Variants in AMHR2 observed in about 807,000 individuals in gnomAD.
AMHR2 encodes the protein anti-Mullerian hormone receptor type 2.
In AMHR2, 36 loss-of-function variants were observed where a neutral mutation model predicts 61.4. The ratio of observed to expected loss-of-function variants is 0.59; its 90% CI spans 0.45 to 0.77. The LOEUF (loss-of-function observed/expected upper bound fraction) is 0.77. Ranked by LOEUF, AMHR2 falls within the 30% of genes least tolerant of loss-of-function variation. The probability of loss-of-function intolerance (pLI) is 0.00; values close to 1 mark genes in which losing one functional copy is unlikely to be tolerated. For missense variants in AMHR2, 638 were observed against 714.6 expected (o/e 0.89, Z 1.22); for synonymous variants, 258 against 279.4 (o/e 0.92, Z 0.76).
Position 53,431,542 on chromosome 12 carries a change from G to A in AMHR2, c.*69G>A. 1 of 1,589,736 alleles carries A rather than the reference G, an allele frequency of 6.3e-7. No individual in the cohort carries two copies. ...TGGCGATTGTATAGCTGTCTTGTCT[G>A]CCTCATCACTGCATTTCCCACCTGC... is the stretch of plus-strand genomic sequence containing the variant. On this transcript the variant is annotated 3_prime_UTR_variant, in exon 11 of 11. Coordinates refer to ENST00000257863, the MANE Select transcript of AMHR2 (RefSeq NM_020547.3).
chr12:53,430,001 C>T, intron 9 of AMHR2, 23 bp downstream of exon 9: 1 of 1,614,160 alleles, frequency 6.2e-7, no homozygotes, highest in Non-Finnish European at 8.5e-7. Context: ...GGTACAGTCC[C>T]CTCTCCTGGG....
intron 7 of AMHR2, 93 bp downstream of exon 7, chr12:53,429,103 G>A (rs1430143170): frequency 4.8e-6 from 6 of 1,242,132 alleles, no homozygotes; most frequent in Non-Finnish European, 6.8e-6. Context: ...GTCAAAAGAG[G>A]GAGGAAGAGC....
chr12:53,425,369 CCT>C, intron 4 of AMHR2, 84 bp from the exon 5 acceptor site: 2 of 1,604,146 alleles, frequency 1.2e-6, no homozygotes, highest in African/African-American at 1.3e-5. Flanking sequence ...ACTCCCATGA[CCT>C]CTCACAAAGC....
intron 9 of AMHR2, 34 bp from the exon 10 acceptor site, chr12:53,430,112 C>A: frequency 1.2e-6 from 2 of 1,614,160 alleles, no homozygotes; most frequent in South Asian, 2.2e-5. Context: ...ACCCCTAGGA[C>A]TAACTGATAC....
At chr12:53,430,542 T>A in intron 10 of AMHR2, 1 of 571,776 alleles carries the variant, frequency 1.7e-6, no homozygotes, top group Non-Finnish European at 3.1e-6. Flanking sequence ...CTGTCTCTCC[T>A]CTCTGCCATC....
rs1939862310 is a variant in AMHR2 at position 53,428,973 on chromosome 12, G to C, written c.930G>C (p.Gln310His). ...TGCGGATGGCACTGTCCCTGGCCCA[G>C]GGCCTGGCATTTCTCCATGAGGAGC... ...SSLRMALSLA[Q>H]GLAFLHEERW... is the part of the protein sequence containing the mutation. Residue 310 changes from glutamine to histidine, a missense_variant, in exon 7 of 11, where the codon CAG (glutamine) becomes CAC (histidine). By Grantham distance (24) the Gln-to-His change is conservative. Transcript: ENST00000257863. 1 of 1,551,516 alleles carries C rather than the reference G, an allele frequency of 6.4e-7. No homozygotes were observed. Among genetic ancestry groups the C allele is most frequent in the Non-Finnish European group, 8.7e-7 (1 of 1,147,036 alleles).
intron 10 of AMHR2, 78 bp downstream of exon 10, chr12:53,430,360 G>T: frequency 6.2e-7 from 1 of 1,607,602 alleles, no homozygotes; most frequent in African/African-American, 1.3e-5. Flanking sequence ...CTCTGCCAGA[G>T]TGTCTGTCTA....
rs574868905 is a variant in AMHR2, at chr12:53,424,408, A to C, written c.170A>C (p.Tyr57Ser). ...TELPRAIRCL[Y>S]SRCCFGIWNL... Reference sequence around the variant, plus strand: ...CTCCCCAGAGCTATCCGCTGCCTCTACAGCCGCTGCTGCTTTGGGATCTGG... The same window carrying C: ...CTCCCCAGAGCTATCCGCTGCCTCTCCAGCCGCTGCTGCTTTGGGATCTGG... The change falls in exon 2 of 11, where the codon TAC becomes TCC. Residue 57 changes from tyrosine (Y) to serine (S), a missense_variant. Coordinates refer to ENST00000257863, the MANE Select transcript of AMHR2 (RefSeq NM_020547.3). 15 of 1,613,564 alleles carry C rather than the reference A, an allele frequency of 9.3e-6. No individual in the cohort carries two copies. Among genetic ancestry groups the C allele is most frequent in the African/African-American group, 1.3e-5 (1 of 74,908 alleles).
At chr12:53,424,075 T>C in intron 1 of AMHR2, 92 bp downstream of exon 1, 3 of 1,498,478 alleles carry the variant, frequency 2.0e-6, no homozygotes, top group Non-Finnish European at 2.8e-6. Context: ...GGAAGAGTGG[T>C]GAGTGGGCTG....
rs1318085676 is a variant in AMHR2 at position 53,431,420 on chromosome 12, C to G, written c.1669C>G (p.Gln557Glu). 2.5e-6 allele frequency: 4 copies of G among 1,614,138 alleles called. No homozygotes were observed. The South Asian group carries it at 4.4e-5, about 18-fold the overall frequency. Residue 557 changes from glutamine to glutamate, a missense_variant, in exon 11 of 11, where the codon CAA becomes GAA. Coordinates refer to ENST00000257863, the MANE Select transcript of AMHR2 (RefSeq NM_020547.3). ...GAGTGCCTGCCACTTCAGCGTTCAG[C>G]AAGGCCCTTGTTCCAGGAATCCTCA... ...QRSACHFSVQ[Q>E]GPCSRNPQPA...
rs770825160 is a variant in AMHR2, at chr12:53,429,834, G to A, written c.1144G>A (p.Gly382Ser). The change falls in exon 9 of 11, where the codon GGC becomes AGC. Residue 382 changes from glycine to serine, a missense_variant. By Grantham distance (56) the Gly-to-Ser change is moderately conservative (BLOSUM62 0). Coordinates refer to ENST00000257863, the MANE Select transcript of AMHR2 (RefSeq NM_020547.3). ...PQGPAAIMEA[G>S]TQRYMAPELL... Reference sequence around the variant, plus strand: ...CCCTTCGTGCCTTGCTCTCCAGGCTGGCACCCAGAGGTACATGGCACCAGA... The same window carrying A: ...CCCTTCGTGCCTTGCTCTCCAGGCTAGCACCCAGAGGTACATGGCACCAGA... The A allele has an allele frequency of 6.2e-7, 1 of 1,614,044 alleles. No homozygotes were observed. The highest frequency in any genetic ancestry group is 1.3e-5 in the African/African-American group (1 of 74,906).
chr12:53,427,654 C>T (rs991282838), intron 6 of AMHR2, among the ~76,000 whole-genome samples: 7 of 152,142 alleles, frequency 4.6e-5, no homozygotes, highest in African/African-American at 9.7e-5. Flanking sequence ...CTGCCTGCCT[C>T]GGCCTCCCAA....
intron 2 of AMHR2, 46 bp downstream of exon 2, chr12:53,424,516 G>A: frequency 1.9e-6 from 3 of 1,597,804 alleles, no homozygotes; most frequent in Non-Finnish European, 2.6e-6. Context: ...GTGGGAGACA[G>A]ACACATCCTG....
intron 6 of AMHR2, 78 bp downstream of exon 6, chr12:53,425,997 C>A: frequency 1.4e-6 from 2 of 1,381,640 alleles, no homozygotes; most frequent in Admixed American, 3.6e-5. Context: ...GGCAGCTGGG[C>A]CCTGTTGATT....
chr12:53,424,942 C>T (rs772119327), intron 3 of AMHR2, 42 bp downstream of exon 3: 6 of 1,592,884 alleles, frequency 3.8e-6, no homozygotes, highest in African/African-American at 1.3e-5. Flanking sequence ...GGGCTGGGGC[C>T]CAGGTTAGGA....
Position 53,425,236 on chromosome 12 carries a change from A to T in AMHR2, c.496A>T (p.Ile166Phe), listed in dbSNP as rs1434411217. The change falls in exon 4 of 11, where the codon ATC (isoleucine) becomes TTC (phenylalanine). Residue 166 changes from isoleucine (I) to phenylalanine (F), a missense_variant. Physicochemically the swap from Ile to Phe is conservative, Grantham distance 21 (BLOSUM62 0). Coordinates refer to ENST00000257863, the MANE Select transcript of AMHR2 (RefSeq NM_020547.3). ...LLLLLLLGSIILALLQRKNYR... is the reference protein window; with the variant it reads ...LLLLLLLGSIFLALLQRKNYR... ...CCTCCTGCTGCTGCTGGGCAGCATCATCTTGGGTACTAATCCACCCCATCC... is the reference window on the plus strand; with the variant it reads ...CCTCCTGCTGCTGCTGGGCAGCATCTTCTTGGGTACTAATCCACCCCATCC... 5 of 1,613,470 alleles carry T rather than the reference A, an allele frequency of 3.1e-6. No homozygotes were observed. The Admixed American group carries it at 5.0e-5, about 16-fold the overall frequency.
rs777361141 is a variant in AMHR2, at chr12:53,429,531, T to C, written c.1046T>C (p.Ile349Thr). The change falls in exon 8 of 11, where the codon ATT (isoleucine) becomes ACT (threonine). Residue 349 changes from isoleucine (I) to threonine (T), a missense_variant. Transcript: ENST00000257863. Reference protein sequence around the residue: ...VLIREDGSCAIGDLGLALVLP... With the variant: ...VLIREDGSCATGDLGLALVLP... ...ATTCGGGAAGATGGATCGTGTGCCA[T>C]TGGAGACCTGGGCCTTGCCTTGGTG... 4.0e-5 allele frequency: 64 copies of C among 1,612,970 alleles called. No individual in the cohort carries two copies. Among genetic ancestry groups the C allele is most frequent in the Non-Finnish European group, 5.2e-5 (61 of 1,179,910 alleles).
In AMHR2 at chr12:53,429,635, C is replaced by G; in HGVS notation, c.1140+10C>G. 6.2e-7 allele frequency: 1 copy of G among 1,613,500 alleles called. No individual in the cohort carries two copies. The highest frequency in any genetic ancestry group is 8.5e-7 in the Non-Finnish European group (1 of 1,179,786). On this transcript the variant is annotated intron_variant, in intron 8 of 10. Coordinates refer to ENST00000257863, the MANE Select transcript of AMHR2 (RefSeq NM_020547.3). ...AGCTGCCATCATGGAAGTGAGTTCT[C>G]TGGATAACTGGTGAGGCCCAGGATG...
chr12:53,425,370 C>G, intron 4 of AMHR2, 85 bp from the exon 5 acceptor site: 1 of 1,604,148 alleles, frequency 6.2e-7, no homozygotes, highest in African/African-American at 1.3e-5. Flanking sequence ...CTCCCATGAC[C>G]TCTCACAAAG....
Sources: gnomAD v4.1 joint callset for allele counts (sites outside exome capture counted in the v4.1 genomes callset) on GRCh38, gnomAD v4.1.1 for gene constraint, MANE v1.5 for transcripts, NCBI Gene and HGNC (gene_info 2026-07-23, HGNC 2026-07-21) for gene names.